CCT2: variants seen among roughly 807,000 people sequenced by gnomAD.
The protein encoded by CCT2 is chaperonin containing TCP1 subunit 2, also known as T-complex protein 1 subunit beta.
In CCT2, 18 loss-of-function variants were observed where a neutral mutation model predicts 61.8. The ratio of observed to expected loss-of-function variants is 0.29; its 90% CI spans 0.20 to 0.43. The LOEUF is 0.43. CCT2 is among the 20% of genes least tolerant of loss of function. CCT2 has a pLI of 1.00. For missense variants in CCT2, 556 were observed against 656.9 expected (o/e 0.85, Z 1.68); for synonymous variants, 248 against 215.9 (o/e 1.15, Z -1.30).
chr12:69,589,282 C>CTTTTTTTTTTTTTTTTTTTT, intron 6 of CCT2: 1 of 540,964 alleles, frequency 1.8e-6, no homozygotes. Flanking sequence ...CCCCACCCCT[C>CTTTTTTTTTTTTTTTTTTTT]TTTTTTTTTT....
intron 7 of CCT2, among the ~76,000 whole-genome samples, chr12:69,590,028 A>G (rs1372027034): frequency 2.6e-5 from 4 of 152,210 alleles, no homozygotes; most frequent in African/African-American, 9.7e-5. Context: ...GGGTCAGTCA[A>G]ATCATTGTGT....
rs1451276121 is a variant in CCT2 at position 69,585,742 on chromosome 12, T to C, written c.3+218T>C. The C allele has an allele frequency of 9.7e-6, 14 of 1,448,204 alleles. 1 individual carries two copies. The Admixed American group carries it at 1.3e-4, about 13-fold the overall frequency. 89.7% of individuals were successfully genotyped at this position (1,448,204 alleles called of 1,614,324 possible). On this transcript the variant is annotated intron_variant, in intron 1 of 15. Transcript: ENST00000299300. Reference sequence around the variant, plus strand: ...GTGGACCGCAAAGCCAGCGTCTCCTTGTGCCTAGGTCTTTGCATAGTCCCG... The same window carrying C: ...GTGGACCGCAAAGCCAGCGTCTCCTCGTGCCTAGGTCTTTGCATAGTCCCG...
chr12:69,595,629 A>G (rs1881964178), intron 10 of CCT2, among the ~76,000 whole-genome samples: 1 of 145,468 alleles, frequency 6.9e-6, no homozygotes, highest in South Asian at 2.2e-4. Context: ...TGGAGGTTGC[A>G]GTGAGCTGAG....
intron 6 of CCT2, 35 bp downstream of exon 6, chr12:69,588,297 T>C: frequency 1.4e-6 from 2 of 1,411,732 alleles, no homozygotes; most frequent in South Asian, 1.2e-5. Context: ...TCTAAACATT[T>C]AGTGTTCTTT....
chr12:69,589,760 G>A, intron 7 of CCT2, 73 bp downstream of exon 7: 1 of 1,194,150 alleles, frequency 8.4e-7, no homozygotes, highest in Admixed American at 1.8e-5. Flanking sequence ...ATTCTGTTTT[G>A]AGACCAGTGA....
intron 10 of CCT2, 117 bp downstream of exon 10, chr12:69,593,730 C>A: frequency 1.7e-6 from 1 of 601,212 alleles, no homozygotes; most frequent in African/African-American, 1.9e-5. Flanking sequence ...ATTCTGAAAT[C>A]TATTCTCTTG....
chr12:69,599,785 A>C (rs771042849), intron 14 of CCT2, 78 bp from the exon 15 acceptor site: 148 of 1,221,994 alleles, frequency 1.2e-4, no homozygotes, highest in Non-Finnish European at 1.6e-4. Flanking sequence ...AATAGGATTA[A>C]TTTTTATTAT....
intron 1 of CCT2, chr12:69,585,826 G>C (rs1209185940): frequency 3.0e-6 from 4 of 1,340,134 alleles, no homozygotes; most frequent in East Asian, 3.0e-5. Context: ...GACCCGCTCC[G>C]CCCTCCTTCT....
intron 9 of CCT2, 58 bp downstream of exon 9, chr12:69,593,161 T>C (rs1881887352): frequency 7.0e-7 from 1 of 1,418,858 alleles, no homozygotes; most frequent in Non-Finnish European, 9.7e-7. Context: ...GAATACTTCA[T>C]ATTTACTTAT....
chr12:69,588,448 C>T (rs955269111), intron 6 of CCT2, 186 bp downstream of exon 6: 33 of 554,246 alleles, frequency 6.0e-5, no homozygotes, highest in Admixed American at 1.6e-4. Flanking sequence ...GGTTTTTAGT[C>T]TTTTTGTATA....
chr12:69,592,101 G>T lies in CCT2; in HGVS notation c.692G>T (p.Arg231Leu), dbSNP rs1183041241. ...DKKIGVNQPK[R>L]IENAKILIAN... ...AAAATTGGAGTAAATCAACCAAAAC[G>T]AATTGAAAATGCTAAAATTCTTATT... Residue 231 changes from arginine to leucine, a missense_variant, in exon 8 of 16, where the codon CGA becomes CTA. By Grantham distance (102) the Arg-to-Leu change is moderately radical. Coordinates refer to ENST00000299300, the MANE Select transcript of CCT2 (RefSeq NM_006431.3). 1.9e-6 allele frequency: 3 copies of T among 1,600,780 alleles called. No homozygotes were observed. The African/African-American group carries it at 4.0e-5, about 21-fold the overall frequency.
At chr12:69,589,769 G>A in intron 7 of CCT2, 82 bp downstream of exon 7, 1 of 1,117,606 alleles carries the variant, frequency 8.9e-7, no homozygotes. Context: ...TGAGACCAGT[G>A]ACCCTTTACA....
chr12:69,600,024 A>G lies in CCT2; in HGVS notation c.1577+20A>G, dbSNP rs778934179. The G allele has an allele frequency of 3.2e-6, 5 of 1,582,812 alleles. 1 individual carries two copies. In the Middle Eastern group the frequency reaches 5.1e-4, roughly 160 times the overall value. ...ACCCAGGTACCCTAACACTTTTCTC[A>G]GAAAAAATTACTAACAGCAAAACAA... On this transcript the variant is annotated intron_variant, in intron 15 of 15. Coordinates refer to ENST00000299300, the MANE Select transcript of CCT2 (RefSeq NM_006431.3).
chr12:69,593,532 G>T lies in CCT2; in HGVS notation c.901G>T (p.Glu301Ter). The change falls in exon 10 of 16, where the codon GAA becomes TAA. Residue 301 changes from glutamate to a stop codon, truncating the protein, a stop_gained. Coordinates refer to ENST00000299300, the MANE Select transcript of CCT2 (RefSeq NM_006431.3). LOFTEE classifies it high-confidence loss of function. ...CAGGCAATTAATTTATAATTATCCT[G>T]AACAGCTCTTTGGTGCTGCTGGTGT... ...INRQLIYNYP[E>*]QLFGAAGVMA... 1 of 1,611,348 alleles carries T rather than the reference G, an allele frequency of 6.2e-7. No homozygotes were observed. The highest frequency in any genetic ancestry group is 1.1e-5 in the South Asian group (1 of 90,832).
chr12:69,592,285 G>A (rs763025023), intron 8 of CCT2, 126 bp downstream of exon 8: 29 of 511,878 alleles, frequency 5.7e-5, no homozygotes, highest in Non-Finnish European at 9.7e-5. Context: ...AGACCAGCCT[G>A]ACCAACATGG....
chr12:69,591,958 T>G lies in CCT2; in HGVS notation c.650-101T>G, dbSNP rs967326798. On this transcript the variant is annotated intron_variant, in intron 7 of 15. Transcript: ENST00000299300. ...GCTTGGTAAATTGGACTTAAATAGC[T>G]TCTTTGAAACAGTGATATGATAAAG... is the stretch of plus-strand genomic sequence containing the variant. 4 of 661,570 alleles carry G rather than the reference T, an allele frequency of 6.0e-6. No individual in the cohort carries two copies. The African/African-American group carries it at 7.5e-5, about 12-fold the overall frequency. 41.0% of individuals were successfully genotyped at this position (661,570 alleles called of 1,614,324 possible).
At chr12:69,593,190 C>G (rs1415603534) in intron 9 of CCT2, 87 bp downstream of exon 9, 1 of 1,180,438 alleles carries the variant, frequency 8.5e-7, no homozygotes, top group Non-Finnish European at 1.2e-6. Flanking sequence ...AGATTTTTTA[C>G]CTAGGAACTG....
Position 69,597,782 on chromosome 12 carries a change from A to G in CCT2, c.1231+16A>G, listed in dbSNP as rs781728458. ...TATGGAGGAGGTAAGCATTTAGAAA[A>G]TGTTGAATATATTTTTAATTTCTTA... On this transcript the variant is annotated intron_variant, in intron 12 of 15. Transcript: ENST00000299300. 5 of 1,592,770 alleles carry G rather than the reference A, an allele frequency of 3.1e-6. No individual in the cohort carries two copies. In the East Asian group the frequency reaches 9.0e-5, roughly 29 times the overall value.
In CCT2 at chr12:69,586,358, T is replaced by C. The variant is rs1416062515; in HGVS notation, c.78+14T>C. The stretch of plus-strand genomic sequence containing the variant: ...ACAGCTCGTCTGGTAAGCCTTGTTC[T>C]AAGCATTGTTTTAAAGATAAAACTG... On this transcript the variant is annotated intron_variant, in intron 2 of 15. Transcript: ENST00000299300. The C allele has an allele frequency of 6.3e-7, 1 of 1,592,868 alleles. No homozygotes were observed. Among genetic ancestry groups the C allele is most frequent in the Admixed American group, 1.7e-5 (1 of 59,960 alleles).
Sources: allele counts gnomAD v4.1 joint callset (sites outside exome capture counted in the v4.1 genomes callset), GRCh38; gene constraint gnomAD v4.1.1; transcripts MANE v1.5; gene names NCBI Gene and HGNC (gene_info 2026-07-23, HGNC 2026-07-21).